Variants in CNTNAP2 observed in about 807,000 individuals in gnomAD.
The protein encoded by CNTNAP2 is contactin-associated protein-like 2.
CNTNAP2 carries 98 observed loss-of-function variants against 155.2 expected under a neutral mutation model. That is an observed-to-expected ratio of 0.63 (90% CI 0.54 to 0.75). CNTNAP2 has a LOEUF of 0.75. Ranked by LOEUF, CNTNAP2 falls within the 30% of genes least tolerant of loss-of-function variation. The pLI is 0.00. For missense variants in CNTNAP2, 1,727 were observed against 1,688.1 expected (o/e 1.02, Z -0.40); for synonymous variants, 651 against 631.2 (o/e 1.03, Z -0.47).
At chr7:146,426,652 A>G (rs1274189721) in intron 1 of CNTNAP2, among the ~76,000 whole-genome samples, 1 of 149,858 alleles carries the variant, frequency 6.7e-6, no homozygotes, top group Non-Finnish European at 1.5e-5. Context: ...AAACACAGTG[A>G]AACTTACAAA....
chr7:146,826,857 T>TATATATAGAGAG (rs773069615), intron 2 of CNTNAP2, among the ~76,000 whole-genome samples: 2 of 138,972 alleles, frequency 1.4e-5, no homozygotes, highest in African/African-American at 5.4e-5. Flanking sequence ...TATATATATA[T>TATATATAGAGAG]AGAGAGAGAG....
At chr7:148,302,974 G>A (rs903204005) in intron 21 of CNTNAP2, among the ~76,000 whole-genome samples, 1 of 151,686 alleles carries the variant, frequency 6.6e-6, no homozygotes, top group African/African-American at 2.4e-5. Context: ...GCCTACTACT[G>A]TGTCTGGCTA....
At chr7:148,348,490 T>A (rs1223143446) in intron 21 of CNTNAP2, among the ~76,000 whole-genome samples, 1 of 152,142 alleles carries the variant, frequency 6.6e-6, no homozygotes, top group African/African-American at 2.4e-5. Flanking sequence ...AACATAAATA[T>A]GGAAAATATA....
chr7:147,588,208 A>G (rs1584834570), intron 12 of CNTNAP2, among the ~76,000 whole-genome samples: 1 of 75,970 alleles, frequency 1.3e-5, no homozygotes, highest in Non-Finnish European at 2.5e-5. Flanking sequence ...GAGAGAGAAA[A>G]AACAAAACAA....
chr7:146,484,519 C>T (rs75650242), intron 1 of CNTNAP2, among the ~76,000 whole-genome samples: 1 of 152,064 alleles, frequency 6.6e-6, no homozygotes, highest in East Asian at 1.9e-4. Flanking sequence ...ACTCAATTAT[C>T]CTGAGTCGTT....
chr7:146,793,264 A>G (rs963048798), intron 2 of CNTNAP2, among the ~76,000 whole-genome samples: 2 of 152,192 alleles, frequency 1.3e-5, no homozygotes, highest in African/African-American at 4.8e-5. Context: ...AATATCTAAA[A>G]TGTTCTCCTA....
At chr7:146,431,433 G>A (rs968517595) in intron 1 of CNTNAP2, among the ~76,000 whole-genome samples, 2 of 151,876 alleles carry the variant, frequency 1.3e-5, no homozygotes, top group Non-Finnish European at 2.9e-5. Context: ...TTGGCCCTTT[G>A]GAATAACTGC....
intron 1 of CNTNAP2, among the ~76,000 whole-genome samples, chr7:146,724,523 T>C (rs1221306082): frequency 6.6e-6 from 1 of 151,070 alleles, no homozygotes; most frequent in Non-Finnish European, 1.5e-5. Context: ...CAGTGCCTGA[T>C]GAGCCTCTGA....
intron 6 of CNTNAP2, 83 bp from the exon 7 acceptor site, chr7:147,128,610 C>T (rs1469628177): frequency 3.3e-6 from 5 of 1,506,562 alleles, no homozygotes; most frequent in Admixed American, 3.4e-5. Context: ...GGTATAGATA[C>T]TTGACCTTCA....
chr7:147,994,533 A>C lies in CNTNAP2; in HGVS notation c.2383+16544A>C, dbSNP rs568583901. ...TGGGAGATGATTGAATCATGGGGAC[A>C]GGTCTTTCCAGCACTGTTCTCATGA... On this transcript the variant is annotated intron_variant, in intron 15 of 23. Coordinates refer to ENST00000361727, the MANE Select transcript of CNTNAP2 (RefSeq NM_014141.6). Among the ~76,000 whole-genome samples, 14 of 152,312 alleles carry C rather than the reference A, an allele frequency of 9.2e-5. No homozygotes were observed. The East Asian group carries it at 2.5e-3, about 27-fold the overall frequency.
chr7:146,971,202 T>C (rs958427313), intron 3 of CNTNAP2, among the ~76,000 whole-genome samples: 3 of 129,544 alleles, frequency 2.3e-5, no homozygotes, highest in African/African-American at 8.6e-5. Flanking sequence ...AAACTTAAAG[T>C]ATAATTAAAA....
intron 8 of CNTNAP2, chr7:147,167,367 T>G (rs1017672568): frequency 2.1e-6 from 2 of 968,842 alleles, no homozygotes; most frequent in African/African-American, 1.7e-5. Flanking sequence ...TGTTCAGTAC[T>G]AAGACATTTC....
chr7:147,848,391 C>T (rs1033307477), intron 13 of CNTNAP2, among the ~76,000 whole-genome samples: 5 of 141,334 alleles, frequency 3.5e-5, no homozygotes, highest in Non-Finnish European at 6.3e-5. Flanking sequence ...TTCTTTGACT[C>T]GGAAAGGGAA....
intron 13 of CNTNAP2, among the ~76,000 whole-genome samples, chr7:147,853,293 A>C (rs186417150): frequency 4.1e-4 from 63 of 152,348 alleles, no homozygotes; most frequent in Middle Eastern, 3.4e-3. Flanking sequence ...TATTGCATTC[A>C]ATTCTAGACC....
At chr7:147,489,596 G>A (rs1798570419) in intron 11 of CNTNAP2, among the ~76,000 whole-genome samples, 1 of 152,038 alleles carries the variant, frequency 6.6e-6, no homozygotes, top group African/African-American at 2.4e-5. Context: ...CCCTGCTTCA[G>A]TCTCCCAAAA....
At chr7:147,392,050 T>G (rs904273473) in intron 9 of CNTNAP2, among the ~76,000 whole-genome samples, 5 of 152,164 alleles carry the variant, frequency 3.3e-5, no homozygotes, top group African/African-American at 1.2e-4. Flanking sequence ...TTAGCTAGAT[T>G]ATACAATTTC....
chr7:147,306,985 T>C (rs1795041117), intron 9 of CNTNAP2, among the ~76,000 whole-genome samples: 1 of 152,214 alleles, frequency 6.6e-6, no homozygotes, highest in Non-Finnish European at 1.5e-5. Context: ...TAGAATGTAG[T>C]TCCCTTTCCA....
intron 20 of CNTNAP2, among the ~76,000 whole-genome samples, chr7:148,235,345 T>C (rs547677533): frequency 6.6e-6 from 1 of 152,298 alleles, no homozygotes. Context: ...GAAGAAAGGA[T>C]ACAAATATTA....
chr7:146,351,670 C>G (rs1235384066), intron 1 of CNTNAP2, among the ~76,000 whole-genome samples: 1 of 152,162 alleles, frequency 6.6e-6, no homozygotes, highest in Admixed American at 6.5e-5. Context: ...GATACAAAAA[C>G]TCAGTTCCTG....
Sources: gnomAD v4.1 joint callset for allele counts (sites outside exome capture counted in the v4.1 genomes callset) on GRCh38, gnomAD v4.1.1 for gene constraint, MANE v1.5 for transcripts, NCBI Gene and HGNC (gene_info 2026-07-23, HGNC 2026-07-21) for gene names.